Variants in ZFYVE27 observed in about 807,000 individuals in gnomAD.
ZFYVE27 encodes the protein protrudin.
ZFYVE27 carries 36 observed loss-of-function variants against 52.8 expected under a neutral mutation model. The observed-to-expected ratio is 0.68, with a 90% CI of 0.52 to 0.90. The LOEUF (loss-of-function observed/expected upper bound fraction) is 0.90. Ranked by LOEUF, ZFYVE27 falls within the 40% of genes least tolerant of loss-of-function variation. ZFYVE27 has a pLI of 0.00. For missense variants in ZFYVE27, 450 were observed against 527.2 expected, an observed-to-expected ratio of 0.85 and a Z score of 1.43; for synonymous variants, 223 against 215.6, an observed-to-expected ratio of 1.03 and a Z score of -0.30.
At chr10:97,746,619 G>T (rs894292529) in intron 4 of ZFYVE27, among the ~76,000 whole-genome samples, 1 of 151,548 alleles carries the variant, frequency 6.6e-6, no homozygotes, top group Non-Finnish European at 1.5e-5. Flanking sequence ...TGTATAATTC[G>T]TAATCGGATT....
intron 10 of ZFYVE27, among the ~76,000 whole-genome samples, chr10:97,755,470 G>A (rs79850249): frequency 0.037 from 5,560 of 152,284 alleles, 307 homozygotes; most frequent in African/African-American, 0.12. Context: ...GTCCATTTCC[G>A]TCGTCATAGA....
intron 10 of ZFYVE27, among the ~76,000 whole-genome samples, chr10:97,753,879 C>G (rs1409286362): frequency 1.3e-5 from 2 of 152,200 alleles, no homozygotes; most frequent in Admixed American, 6.5e-5. Flanking sequence ...CCCAGCCAGT[C>G]CTTATTTTAC....
intron 9 of ZFYVE27, 44 bp from the exon 10 acceptor site, chr10:97,752,994 G>A (rs771405102): frequency 6.2e-7 from 1 of 1,613,058 alleles, no homozygotes; most frequent in South Asian, 1.1e-5. Flanking sequence ...GGGTCCTGCA[G>A]CCTTGCAAGA....
Position 97,750,320 on chromosome 10 carries a change from TC to T in ZFYVE27, c.665-8del, listed in dbSNP as rs2046596850. 1 of 1,613,816 alleles carries T rather than the reference TC, an allele frequency of 6.2e-7. No individual in the cohort carries two copies. The highest frequency in any genetic ancestry group is 1.3e-5 in the African/African-American group (1 of 74,900). On this transcript the variant is annotated splice_polypyrimidine_tract_variant and intron_variant, in intron 6 of 12. Transcript: ENST00000684270. ...TTTTGCCTCCTACCTTGTTCTCCAT[TC>T]CCTGGGTAGTTGTGTCTGAGTACAG...
intron 2 of ZFYVE27, 104 bp from the exon 3 acceptor site, chr10:97,742,990 C>A: frequency 8.0e-7 from 1 of 1,257,454 alleles, no homozygotes; most frequent in Non-Finnish European, 1.2e-6. Flanking sequence ...CTTCTGTGTT[C>A]CAGGCCTCCT....
rs776123669 is a variant in ZFYVE27 at position 97,744,923 on chromosome 10, T to G, written c.455+8T>G. 2 of 1,562,336 alleles carry G rather than the reference T, an allele frequency of 1.3e-6. No individual in the cohort carries two copies. Among genetic ancestry groups the G allele is most frequent in the Non-Finnish European group, 1.7e-6 (2 of 1,154,052 alleles). ...GGCTGAGGTGAAGAGCTTGTGAGTA[T>G]GGAAGAGAGGCCAGGGAGGTGGGGG... On this transcript the variant is annotated splice_region_variant and intron_variant, in intron 4 of 12. Transcript: ENST00000684270.
rs2047353451 is a variant in ZFYVE27, at chr10:97,752,864, A to C, written c.884A>C (p.His295Pro). 1 of 1,608,200 alleles carries C rather than the reference A, an allele frequency of 6.2e-7. No individual in the cohort carries two copies. The highest frequency in any genetic ancestry group is 8.5e-7 in the Non-Finnish European group (1 of 1,177,842). ...CCGCACCTTGGGAGGCAGGAGACCC[A>C]CTTGGTGGTGCTGGTAAGTGGAAGC... is the stretch of plus-strand genomic sequence containing the variant. ...EEFKDAIEET[H>P]LVVLEDDEGA... The change falls in exon 9 of 13, where the codon CAC becomes CCC. Residue 295 changes from histidine to proline, a missense_variant. By Grantham distance (77) the His-to-Pro change is moderately conservative. Transcript: ENST00000684270.
chr10:97,745,971 A>G (rs995418500), intron 4 of ZFYVE27, among the ~76,000 whole-genome samples: 5 of 151,044 alleles, frequency 3.3e-5, no homozygotes, highest in Admixed American at 2.0e-4. Context: ...GGGCCTGGAT[A>G]TGTAGTTTTT....
Position 97,749,563 on chromosome 10 carries a change from T to A in ZFYVE27, c.641T>A (p.Leu214Gln). Residue 214 changes from leucine (L) to glutamine (Q), a missense_variant, in exon 6 of 13, where the codon CTG (leucine) becomes CAG (glutamine). By Grantham distance (113) the Leu-to-Gln change is moderately radical (BLOSUM62 -2). Transcript: ENST00000684270. ...ACCCTTTTAAACAGCACGCTCTTTC[T>A]GGGGAATGTGGAGTTCTTCCGAGGT... ...VLTLLNSTLF[L>Q]GNVEFFRVVS... The A allele has an allele frequency of 6.2e-7, 1 of 1,614,168 alleles. No homozygotes were observed. The highest frequency in any genetic ancestry group is 8.5e-7 in the Non-Finnish European group (1 of 1,179,996).
chr10:97,753,918 G>A (rs1392412532), intron 10 of ZFYVE27, among the ~76,000 whole-genome samples: 1 of 152,236 alleles, frequency 6.6e-6, no homozygotes, highest in African/African-American at 2.4e-5. Context: ...GGTCAAGGAA[G>A]GCAGCTTTGG....
Position 97,753,137 on chromosome 10 carries a change from C to G in ZFYVE27, c.997C>G (p.Arg333Gly), listed in dbSNP as rs762795384. ...TGAGGTGCTGCGCAGCAAGGTGTCT[C>G]GGCTCACGGAGCGGCTCCGCAAGCG... ...KNEVLRSKVS[R>G]LTERLRKRYP... is the part of the protein sequence containing the mutation. The change falls in exon 10 of 13, where the codon CGG becomes GGG. Residue 333 changes from arginine to glycine, a missense_variant. Arg to Gly is a moderately radical substitution (Grantham distance 125). Coordinates refer to ENST00000684270, the MANE Select transcript of ZFYVE27 (RefSeq NM_001385875.1). The G allele has an allele frequency of 1.9e-6, 3 of 1,612,126 alleles. No individual in the cohort carries two copies. Among genetic ancestry groups the G allele is most frequent in the African/African-American group, 1.3e-5 (1 of 74,998 alleles).
chr10:97,755,449 G>T (rs2048119594), intron 10 of ZFYVE27, among the ~76,000 whole-genome samples: 1 of 152,242 alleles, frequency 6.6e-6, no homozygotes, highest in East Asian at 1.9e-4. Flanking sequence ...GCAGGATCAG[G>T]TTCTGGTGAG....
At chr10:97,753,595 C>T (rs934124890) in intron 10 of ZFYVE27, among the ~76,000 whole-genome samples, 2 of 152,082 alleles carry the variant, frequency 1.3e-5, no homozygotes, top group East Asian at 3.9e-4. Context: ...TATTTCACAC[C>T]CCGTGCCTCA....
chr10:97,756,984 C>T (rs1354572390), intron 10 of ZFYVE27, among the ~76,000 whole-genome samples: 1 of 152,154 alleles, frequency 6.6e-6, no homozygotes, highest in African/African-American at 2.4e-5. Flanking sequence ...GCTGGGTGCT[C>T]TTTGATTTCT....
chr10:97,759,296 A>G lies in ZFYVE27; in HGVS notation c.1232A>G (p.Lys411Arg), dbSNP rs145866743. Residue 411 changes from lysine to arginine, a missense_variant, in exon 13 of 13, where the codon AAG becomes AGG. Physicochemically the swap from Lys to Arg is conservative, Grantham distance 26. Transcript: ENST00000684270. Reference protein sequence around the residue: ...VCASCNQTLSK With the variant: ...VCASCNQTLSR The stretch of plus-strand genomic sequence containing the variant: ...GCCTCGTGTAACCAGACCTTGAGCA[A>G]GTGAGAAGAGAGGCCAGGGTCCAAC... 1 of 1,614,194 alleles carries G rather than the reference A, an allele frequency of 6.2e-7. No individual in the cohort carries two copies. Among genetic ancestry groups the G allele is most frequent in the African/African-American group, 1.3e-5 (1 of 75,060 alleles).
intron 3 of ZFYVE27, 96 bp from the exon 4 acceptor site, chr10:97,744,633 C>A: frequency 1.4e-6 from 2 of 1,447,086 alleles, no homozygotes; most frequent in Non-Finnish European, 1.9e-6. Flanking sequence ...ACTGGCAGAG[C>A]CCTGGAGGAG....
intron 3 of ZFYVE27, 107 bp downstream of exon 3, chr10:97,743,271 G>T (rs2044239525): frequency 1.5e-6 from 2 of 1,300,408 alleles, no homozygotes. Context: ...TTGCCCTGGA[G>T]TTAGTGTTCC....
intron 4 of ZFYVE27, among the ~76,000 whole-genome samples, chr10:97,746,326 G>C (rs1359823627): frequency 1.3e-5 from 2 of 152,270 alleles, no homozygotes; most frequent in East Asian, 3.9e-4. Flanking sequence ...GGGATTGCAG[G>C]CATGAGCCAC....
chr10:97,738,802 G>A, intron 2 of ZFYVE27, 128 bp downstream of exon 2: 3 of 1,074,156 alleles, frequency 2.8e-6, no homozygotes, highest in Admixed American at 1.9e-5. Flanking sequence ...AGTTCTGGGA[G>A]GTCTGTTCGG....
Sources: gnomAD v4.1 joint callset for allele counts (sites outside exome capture counted in the v4.1 genomes callset) on GRCh38, gnomAD v4.1.1 for gene constraint, MANE v1.5 for transcripts, NCBI Gene and HGNC (gene_info 2026-07-23, HGNC 2026-07-21) for gene names.